Variants in SLC25A29 observed in about 807,000 individuals in gnomAD.
SLC25A29 encodes the protein solute carrier family 25 member 29, also known as mitochondrial basic amino acids transporter.
Under a neutral mutation model 10.0 loss-of-function variants are expected in SLC25A29, and 13 were observed. The observed-to-expected ratio is 1.30, with a 90% CI of 0.85 to 2.07. The LOEUF is 2.07. Ranked by LOEUF, SLC25A29 falls within the 30% of genes most tolerant of loss-of-function variation. The pLI is 0.00. For missense variants in SLC25A29, 475 were observed against 447.6 expected, an observed-to-expected ratio of 1.06 and a Z score of -0.55; for synonymous variants, 244 against 221.1, an observed-to-expected ratio of 1.10 and a Z score of -0.92.
rs1891782925 is a variant in SLC25A29, at chr14:100,292,450, G to C, written c.745C>G (p.Arg249Gly). The C allele has an allele frequency of 1.3e-6, 2 of 1,579,122 alleles. No homozygotes were observed. The highest frequency in any genetic ancestry group is 1.7e-4 in the Middle Eastern group (1 of 6,038). Residue 249 changes from arginine to glycine, a missense_variant, in exon 4 of 4, where the codon CGG becomes GGG. Arg to Gly is a moderately radical substitution (Grantham distance 125). Transcript: ENST00000359232. ...CGCAGCAGCGTGGACGCCAGCCCCC[G>C]TGTGAAGACGCGCCAGCCCTCGGCG... Reference protein sequence around the residue: ...YRAEGWRVFTRGLASTLLRAF... With the variant: ...YRAEGWRVFTGGLASTLLRAF...
the SLC25A29 span, chr14:100,282,919 G>A: frequency 2.0e-5 from 3 of 152,136 alleles, no homozygotes; most frequent in South Asian, 2.1e-4. Flanking sequence ...CAGTTCTTGC[G>A]GCTTGCTTTC....
chr14:100,295,414 T>C (rs935214032), intron 2 of SLC25A29: 18 of 381,022 alleles, frequency 4.7e-5, no homozygotes, highest in Non-Finnish European at 6.8e-5. Context: ...CAGCTCCCCA[T>C]AGGGCCGAGA....
At chr14:100,285,216 C>T in the SLC25A29 span, among the ~76,000 whole-genome samples, 1 of 152,078 alleles carries the variant, frequency 6.6e-6, no homozygotes, top group Non-Finnish European at 1.5e-5. Context: ...CCCGCCTGGC[C>T]TTTGGCCAGC....
At chr14:100,287,948 C>A (rs1257838693), downstream of SLC25A29, among the ~76,000 whole-genome samples, 10 of 152,288 alleles carry the variant, frequency 6.6e-5, no homozygotes, top group South Asian at 2.1e-4. Context: ...TCCCACTGCA[C>A]CTCCAGGCAT....
chr14:100,299,096 C>T, intron 1 of SLC25A29: 1 of 1,419,182 alleles, frequency 7.0e-7, no homozygotes, highest in Non-Finnish European at 9.2e-7. Flanking sequence ...ATCCCAAGGC[C>T]AAGCCAGCAC....
At chr14:100,299,180 G>T in intron 1 of SLC25A29, 1 of 1,301,712 alleles carries the variant, frequency 7.7e-7, no homozygotes. Flanking sequence ...GTGGCTGACA[G>T]CAGAAGTTGT....
chr14:100,297,152 A>G (rs1197180754), intron 2 of SLC25A29, among the ~76,000 whole-genome samples: 1 of 152,232 alleles, frequency 6.6e-6, no homozygotes, highest in African/African-American at 2.4e-5. Flanking sequence ...TCCAGATGTG[A>G]TGCTGCTGGA....
downstream of SLC25A29, among the ~76,000 whole-genome samples, chr14:100,289,303 G>A (rs1188606835): frequency 6.6e-6 from 1 of 152,202 alleles, no homozygotes; most frequent in Non-Finnish European, 1.5e-5. Flanking sequence ...AGGGAAGACA[G>A]CAAAGAACAG....
chr14:100,299,047 C>T (rs45534532), intron 1 of SLC25A29, 162 bp from the exon 2 acceptor site: 81 of 1,448,740 alleles, frequency 5.6e-5, no homozygotes, highest in Non-Finnish European at 7.1e-5. Flanking sequence ...CCATGAGCCC[C>T]TGGAATCCTC....
downstream of SLC25A29, among the ~76,000 whole-genome samples, chr14:100,290,680 T>G (rs758570531): frequency 2.0e-5 from 3 of 152,208 alleles, no homozygotes; most frequent in Admixed American, 6.5e-5. Flanking sequence ...GGATGCCCTC[T>G]TCCAGGAAGC....
intron 2 of SLC25A29, chr14:100,295,462 A>T: frequency 1.4e-6 from 1 of 716,354 alleles, no homozygotes; most frequent in Non-Finnish European, 2.0e-6. Context: ...GAGGGGGCTG[A>T]TTTTTTTTGG....
chr14:100,303,469 GAGGCCCCACTCCCACA>G (rs1488695282), intron 1 of SLC25A29, among the ~76,000 whole-genome samples: 2 of 152,340 alleles, frequency 1.3e-5, no homozygotes, highest in African/African-American at 2.4e-5. Flanking sequence ...CCTCTGTTGG[GAGGCCCCACTCCCACA>G]AGGCCCCACT....
intron 2 of SLC25A29, chr14:100,295,257 A>C (rs1441962452): frequency 4.8e-6 from 1 of 206,954 alleles, no homozygotes; most frequent in East Asian, 1.2e-4. Context: ...GCTCTCTGGG[A>C]GAGGAACTGT....
At chr14:100,290,765 C>T (rs1056998500), downstream of SLC25A29, among the ~76,000 whole-genome samples, 3 of 152,232 alleles carry the variant, frequency 2.0e-5, no homozygotes, top group Admixed American at 6.5e-5. Context: ...GTCAGCTCCA[C>T]TCAGACCTCC....
chr14:100,292,541 C>T lies in SLC25A29; in HGVS notation c.654G>A (p.Gln218=). ...YPVDVVKSRL[Q]ADGLRGAPRY... ...GCGGGGCGCCCCGCAGTCCGTCCGCCTGCAGCCGCGACTTGACCACGTCCA... is the reference window on the plus strand; with the variant it reads ...GCGGGGCGCCCCGCAGTCCGTCCGCTTGCAGCCGCGACTTGACCACGTCCA... Residue 218 remains glutamine, a synonymous_variant, in exon 4 of 4, where the codon CAG becomes CAA. Coordinates refer to ENST00000359232, the MANE Select transcript of SLC25A29 (RefSeq NM_001039355.3). 6.3e-7 allele frequency: 1 copy of T among 1,598,794 alleles called. No homozygotes were observed. Among genetic ancestry groups the T allele is most frequent in the African/African-American group, 1.3e-5 (1 of 74,814 alleles).
rs959168278 is a variant in SLC25A29, at chr14:100,299,427, G to C, written c.35-542C>G. 3.0e-6 allele frequency: 3 copies of C among 994,008 alleles called. No individual in the cohort carries two copies. The African/African-American group carries it at 5.2e-5, about 17-fold the overall frequency. 61.6% of individuals were successfully genotyped at this position (994,008 alleles called of 1,614,324 possible). A position where few individuals can be genotyped will look rare whatever the true frequency, so the allele number is the denominator to read the frequency against. ...CCAGAGTGGCCACGGAGACTGAACA[G>C]GGTAATGGCCCCTTGGGAGTGACGA... is the stretch of plus-strand genomic sequence containing the variant. On this transcript the variant is annotated intron_variant, in intron 1 of 3. Coordinates refer to ENST00000359232, the MANE Select transcript of SLC25A29 (RefSeq NM_001039355.3).
intron 1 of SLC25A29, among the ~76,000 whole-genome samples, chr14:100,300,333 C>T (rs1298061900): frequency 6.6e-6 from 1 of 152,180 alleles, no homozygotes; most frequent in Non-Finnish European, 1.5e-5. Context: ...GCCAGTTCTG[C>T]TTTCTCTTTG....
the SLC25A29 span, chr14:100,282,764 T>A: frequency 6.6e-6 from 1 of 152,236 alleles, no homozygotes; most frequent in Non-Finnish European, 1.5e-5. Context: ...CTATACAATA[T>A]AATAAATGCA....
At chr14:100,285,770 A>C in the SLC25A29 span, among the ~76,000 whole-genome samples, 1 of 152,056 alleles carries the variant, frequency 6.6e-6, no homozygotes, top group African/African-American at 2.4e-5. Context: ...GGGAGGGGCC[A>C]CATACCAGGG....
Sources: gnomAD v4.1 joint callset for allele counts (sites outside exome capture counted in the v4.1 genomes callset) on GRCh38, gnomAD v4.1.1 for gene constraint, MANE v1.5 for transcripts, NCBI Gene and HGNC (gene_info 2026-07-23, HGNC 2026-07-21) for gene names.